Variants in FMNL2 observed in about 807,000 individuals in gnomAD.
FMNL2 encodes formin like 2, also known as formin-like protein 2.
In FMNL2, 51 loss-of-function variants were observed where a neutral mutation model predicts 130.2. That is an observed-to-expected ratio of 0.39 (90% CI 0.31 to 0.49). The LOEUF is 0.49. FMNL2 is among the 20% of genes least tolerant of loss of function. FMNL2 has a pLI of 0.85. For missense variants in FMNL2, 977 were observed against 1,316.2 expected, an observed-to-expected ratio of 0.74 and a Z score of 3.99; for synonymous variants, 465 against 467.1, an observed-to-expected ratio of 1.00 and a Z score of 0.06.
chr2:152,432,895 G>T (rs1042639680), intron 1 of FMNL2, among the ~76,000 whole-genome samples: 4 of 152,194 alleles, frequency 2.6e-5, no homozygotes, highest in Non-Finnish European at 4.4e-5. Context: ...GAAGCTCCAG[G>T]ATTCATTTCC....
chr2:152,623,141 A>G (rs980610708), intron 15 of FMNL2, among the ~76,000 whole-genome samples: 1 of 152,160 alleles, frequency 6.6e-6, no homozygotes, highest in Non-Finnish European at 1.5e-5. Context: ...GTGGTTGCAA[A>G]TGGCAAACTT....
At chr2:152,601,922 G>A (rs560170341) in intron 9 of FMNL2, among the ~76,000 whole-genome samples, 9 of 152,144 alleles carry the variant, frequency 5.9e-5, no homozygotes, top group Admixed American at 2.6e-4. Flanking sequence ...CACCTGTCTC[G>A]GCCTCCCAAA....
intron 1 of FMNL2, among the ~76,000 whole-genome samples, chr2:152,371,011 G>T (rs1042955723): frequency 6.6e-6 from 1 of 152,166 alleles, no homozygotes; most frequent in African/African-American, 2.4e-5. Flanking sequence ...GCCTAAGTTG[G>T]TAAGTTGCTG....
chr2:152,474,373 A>T (rs748530865), intron 1 of FMNL2, among the ~76,000 whole-genome samples: 3 of 152,222 alleles, frequency 2.0e-5, no homozygotes, highest in Non-Finnish European at 4.4e-5. Flanking sequence ...AATGAGCTTC[A>T]CTTACTTTAT....
intron 1 of FMNL2, among the ~76,000 whole-genome samples, chr2:152,464,579 T>G (rs1689424321): frequency 6.6e-6 from 1 of 152,152 alleles, no homozygotes; most frequent in African/African-American, 2.4e-5. Context: ...TTGATGAGCT[T>G]TTGTAATTTC....
intron 1 of FMNL2, among the ~76,000 whole-genome samples, chr2:152,374,899 A>C (rs1684074701): frequency 6.6e-6 from 1 of 152,162 alleles, no homozygotes; most frequent in Admixed American, 6.5e-5. Context: ...AGCCAGTGGA[A>C]ATCAGAGAGG....
At chr2:152,395,804 ATCC>A (rs1296698575) in intron 1 of FMNL2, among the ~76,000 whole-genome samples, 1 of 147,938 alleles carries the variant, frequency 6.8e-6, no homozygotes, top group Admixed American at 6.9e-5. Flanking sequence ...CCCAGGCTTT[ATCC>A]TCCTCTTTCA....
At chr2:152,623,819 C>T (rs896339600) in intron 15 of FMNL2, among the ~76,000 whole-genome samples, 1 of 151,874 alleles carries the variant, frequency 6.6e-6, no homozygotes, top group Non-Finnish European at 1.5e-5. Context: ...AAATGGATTA[C>T]CTTTTTTGGC....
chr2:152,494,600 G>C (rs896287081), intron 1 of FMNL2, among the ~76,000 whole-genome samples: 2 of 152,202 alleles, frequency 1.3e-5, no homozygotes, highest in African/African-American at 4.8e-5. Flanking sequence ...ATATTCATTT[G>C]ATTTGAGAAT....
intron 1 of FMNL2, among the ~76,000 whole-genome samples, chr2:152,445,729 G>T (rs1688297712): frequency 6.6e-6 from 1 of 152,150 alleles, no homozygotes; most frequent in Non-Finnish European, 1.5e-5. Flanking sequence ...AAGTTCCCAG[G>T]TGATGCTGCT....
chr2:152,460,683 C>T (rs531081186), intron 1 of FMNL2, among the ~76,000 whole-genome samples: 1 of 152,294 alleles, frequency 6.6e-6, no homozygotes, highest in East Asian at 1.9e-4. Flanking sequence ...GCCCTGCCTC[C>T]TGTCAGATCA....
rs146679659 is a variant in FMNL2, at chr2:152,601,014, T to C, written c.877-6325T>C. ...CTATTGCCATGCTAGATGAGAATTT[T>C]AGACGTTCAAGAATACTGAGGGAGA... is the stretch of plus-strand genomic sequence containing the variant. On this transcript the variant is annotated intron_variant, in intron 9 of 25. Transcript: ENST00000288670. 2.2e-3 allele frequency among the ~76,000 whole-genome samples: 334 copies of C among 152,342 alleles called. 1 individual carries two copies. The highest frequency in any genetic ancestry group is 6.8e-3 in the Middle Eastern group (2 of 294).
intron 1 of FMNL2, chr2:152,390,438 A>G (rs1419538649): frequency 8.1e-7 from 1 of 1,240,318 alleles, no homozygotes; most frequent in East Asian, 2.3e-5. Flanking sequence ...GATCAATACC[A>G]AGATGATTAA....
chr2:152,357,123 A>G (rs1396182776), intron 1 of FMNL2, among the ~76,000 whole-genome samples: 8 of 131,100 alleles, frequency 6.1e-5, no homozygotes, highest in African/African-American at 2.4e-4. Context: ...TAAATATTAC[A>G]TCAGTTTAAT....
intron 1 of FMNL2, 60 bp downstream of exon 1, chr2:152,335,780 T>C: frequency 8.1e-7 from 1 of 1,228,048 alleles, no homozygotes; most frequent in Non-Finnish European, 1.1e-6. Flanking sequence ...GCGGCGCAGC[T>C]GACCCCCGCC....
chr2:152,393,369 TAATA>T (rs1685223712), intron 1 of FMNL2, among the ~76,000 whole-genome samples: 1 of 152,262 alleles, frequency 6.6e-6, no homozygotes, highest in Non-Finnish European at 1.5e-5. Context: ...AAAGATACCA[TAATA>T]AATGTCTTTA....
chr2:152,485,468 G>A lies in FMNL2; in HGVS notation c.118-36475G>A, dbSNP rs1023672291. ...CTCGGGAGGCTGAAGTGGGAGGATC[G>A]CTTGAGCCCAGGAGGTTGAGCCGTG... On this transcript the variant is annotated intron_variant, in intron 1 of 25. Transcript: ENST00000288670. Among the ~76,000 whole-genome samples, 7 of 152,252 alleles carry A rather than the reference G, an allele frequency of 4.6e-5. No individual in the cohort carries two copies. The East Asian group carries it at 7.7e-4, about 17-fold the overall frequency.
At chr2:152,352,225 A>G (rs191422412) in intron 1 of FMNL2, among the ~76,000 whole-genome samples, 1 of 152,164 alleles carries the variant, frequency 6.6e-6, no homozygotes, top group South Asian at 2.1e-4. Context: ...TTAAATGTGG[A>G]TTTCATGCAT....
At chr2:152,569,680 C>CAA (rs35114358) in intron 6 of FMNL2, among the ~76,000 whole-genome samples, 1 of 104,512 alleles carries the variant, frequency 9.6e-6, no homozygotes, top group Non-Finnish European at 1.9e-5. Flanking sequence ...GACCCTGTCT[C>CAA]AAAAAAAAAA....
Sources: allele counts gnomAD v4.1 joint callset (sites outside exome capture counted in the v4.1 genomes callset), GRCh38; gene constraint gnomAD v4.1.1; transcripts MANE v1.5; gene names NCBI Gene and HGNC (gene_info 2026-07-23, HGNC 2026-07-21).